C5: variants seen among roughly 807,000 people sequenced by gnomAD.
C5 encodes C3 and PZP-like alpha-2-macroglobulin domain-containing protein 4.
A neutral mutation model predicts 218.8 loss-of-function variants in C5; 140 were observed. The ratio of observed to expected loss-of-function variants is 0.64; its 90% CI spans 0.56 to 0.74. The LOEUF is 0.74. Among genes scored for constraint, C5 ranks in the 30% least tolerant of loss-of-function variants. C5 has a pLI of 0.00. For missense variants in C5, 1,700 were observed against 1,969.6 expected (o/e 0.86, Z 2.59); for synonymous variants, 614 against 682.3 (o/e 0.90, Z 1.56).
In C5 at chr9:121,008,439, A is replaced by G; in HGVS notation, c.2317T>C (p.Trp773Arg). 1 of 1,613,736 alleles carries G rather than the reference A, an allele frequency of 6.2e-7. No homozygotes were observed. Among genetic ancestry groups the G allele is most frequent in the African/African-American group, 1.3e-5 (1 of 75,002 alleles). Residue 773 changes from tryptophan (W) to arginine (R), a missense_variant, in exon 18 of 41, where the codon TGG becomes CGG. Transcript: ENST00000223642. ...GGAACAAGATGAACTTCCCACAACC[A>G]GCTTTCTGGAAAATAACTCCGAATT... ...PEIRSYFPES[W>R]LWEVHLVPRR...
chr9:121,059,293 A>T, the C5 span, among the ~76,000 whole-genome samples: 4 of 152,200 alleles, frequency 2.6e-5, no homozygotes, highest in Non-Finnish European at 5.9e-5. The surrounding 1 kb of genome is among the most constrained non-coding windows in gnomAD (Gnocchi z 4.1). Flanking sequence ...TAATAATGGA[A>T]TTTAGTTAAG....
upstream of C5, among the ~76,000 whole-genome samples, chr9:121,051,194 C>T (rs187768581): frequency 3.0e-4 from 45 of 150,604 alleles, 1 homozygote; most frequent in Non-Finnish European, 5.3e-4. Context: ...ACTATCTTGG[C>T]TCAGGGCAAC....
At chr9:121,074,456 T>C in the C5 span, among the ~76,000 whole-genome samples, 1 of 152,220 alleles carries the variant, frequency 6.6e-6, no homozygotes, top group Non-Finnish European at 1.5e-5. Flanking sequence ...TGCGTCCGCT[T>C]TGAGGTTCAT....
chr9:121,073,070 T>G, the C5 span, among the ~76,000 whole-genome samples: 1 of 152,122 alleles, frequency 6.6e-6, no homozygotes, highest in Non-Finnish European at 1.5e-5. Context: ...CTGTTGGACG[T>G]CCCCTGAATT....
chr9:121,065,727 A>T, the C5 span, among the ~76,000 whole-genome samples: 1 of 152,136 alleles, frequency 6.6e-6, no homozygotes, highest in Non-Finnish European at 1.5e-5. Flanking sequence ...AGCTCAAGGG[A>T]TCCACCCACC....
In C5 at chr9:120,981,850, G is replaced by C. The variant is rs756416803; in HGVS notation, c.3480C>G (p.Pro1160=). The change falls in exon 27 of 41, where the codon CCC becomes CCG. Residue 1160 remains proline (P), a synonymous_variant. Coordinates refer to ENST00000223642, the MANE Select transcript of C5 (RefSeq NM_001735.3). ...AAAGAAAACTCTTACTTACCACCAG[G>C]GGGCATATATCGAAAGCCTTTCTAA... ...IGIRKAFDIC[P]LVKIDTALIK... 7 of 1,609,056 alleles carry C rather than the reference G, an allele frequency of 4.4e-6. No individual in the cohort carries two copies. In the Admixed American group the frequency reaches 1.0e-4, roughly 23 times the overall value.
chr9:120,996,073 C>T (rs41309904), intron 22 of C5, among the ~76,000 whole-genome samples, 167 bp downstream of exon 22: 6 of 152,264 alleles, frequency 3.9e-5, no homozygotes, highest in Middle Eastern at 3.4e-3. Flanking sequence ...CCCACCTCGG[C>T]CTCCCAAAGT....
At chr9:120,957,454 G>T in intron 38 of C5, 86 bp from the exon 39 acceptor site, 2 of 983,028 alleles carry the variant, frequency 2.0e-6, no homozygotes, top group South Asian at 1.3e-5. Context: ...TGTCAAACAC[G>T]AGAAATGAAG....
intron 39 of C5, chr9:120,956,956 C>T (rs1454025872): frequency 2.9e-6 from 1 of 344,622 alleles, no homozygotes; most frequent in Admixed American, 4.0e-5. Flanking sequence ...GATCTATATA[C>T]CAAACCCCCA....
intron 22 of C5, among the ~76,000 whole-genome samples, chr9:120,992,324 T>C (rs192947768): frequency 3.3e-3 from 499 of 152,362 alleles, no homozygotes; most frequent in African/African-American, 0.011. Context: ...GTTTGCACTT[T>C]GAGTGAAAGA....
rs1564131074 is a variant in C5 at position 120,960,326 on chromosome 9, G to C, written c.4600C>G (p.Gln1534Glu). The change falls in exon 38 of 41, where the codon CAA becomes GAA. Residue 1534 changes from glutamine to glutamate, a missense_variant. By Grantham distance (29) the Gln-to-Glu change is conservative. Coordinates refer to ENST00000223642, the MANE Select transcript of C5 (RefSeq NM_001735.3). Reference sequence around the variant, plus strand: ...GTCAGATCCAATTCTTCCTGCATTTGCCCACAATCAGCTGGATTTTGTGAA... The same window carrying C: ...GTCAGATCCAATTCTTCCTGCATTTCCCCACAATCAGCTGGATTTTGTGAA... ...ACKCVEADCG[Q>E]MQEELDLTIS... The C allele has an allele frequency of 1.9e-6, 3 of 1,611,630 alleles. No individual in the cohort carries two copies. The highest frequency in any genetic ancestry group is 2.7e-5 in the African/African-American group (2 of 74,824).
At chr9:121,071,966 G>A in the C5 span, among the ~76,000 whole-genome samples, 1 of 152,172 alleles carries the variant, frequency 6.6e-6, no homozygotes, top group South Asian at 2.1e-4. Context: ...AAGAAAAATA[G>A]TGTGGAACGC....
At chr9:121,011,251 T>C (rs544848841) in intron 17 of C5, among the ~76,000 whole-genome samples, 12 of 152,090 alleles carry the variant, frequency 7.9e-5, no homozygotes, top group South Asian at 2.1e-4. Context: ...ATAACAAGAA[T>C]ATATAAGGAG....
intron 27 of C5, 70 bp downstream of exon 27, chr9:120,981,774 A>G: frequency 5.0e-6 from 5 of 1,000,724 alleles, no homozygotes; most frequent in Non-Finnish European, 6.4e-6. Flanking sequence ...AGGTCTTCTG[A>G]TTGGTGGCCC....
At position 120,970,909 on chromosome 9, in the gene C5, C is replaced by T. The variant is rs564288962; in HGVS notation, c.4081-658G>A. Among the ~76,000 whole-genome samples, 12 of 152,272 alleles carry T rather than the reference C, an allele frequency of 7.9e-5. No individual in the cohort carries two copies. The East Asian group carries it at 1.2e-3, about 15-fold the overall frequency. ...CCTGCCAGCTGGGCGTGGTGGCTCG[C>T]GCCCATAATCCCAGCACATTGGGAG... On this transcript the variant is annotated intron_variant, in intron 31 of 40. Coordinates refer to ENST00000223642, the MANE Select transcript of C5 (RefSeq NM_001735.3).
Position 121,021,080 on chromosome 9 carries a change from C to T in C5, c.1302+429G>A, listed in dbSNP as rs539645971. Among the ~76,000 whole-genome samples the T allele has an allele frequency of 2.2e-4, 33 of 152,130 alleles. No individual in the cohort carries two copies. The South Asian group carries it at 4.8e-3, about 22-fold the overall frequency. On this transcript the variant is annotated intron_variant, in intron 11 of 40. Transcript: ENST00000223642. ...TTGGGAACTTAAATAATATTTGCTG[C>T]GAGAGAAGACTATTAAGTGGGCTCT...
intron 5 of C5, among the ~76,000 whole-genome samples, chr9:121,033,069 T>C (rs933286882): frequency 1.3e-5 from 2 of 149,064 alleles, no homozygotes; most frequent in Non-Finnish European, 3.0e-5. Flanking sequence ...TATACACACA[T>C]ATATATACAC....
At chr9:121,036,043 C>T (rs10760140) in intron 4 of C5, among the ~76,000 whole-genome samples, 54,588 of 151,730 alleles carry the variant, frequency 0.36, 12,178 homozygotes, top group South Asian at 0.62. Flanking sequence ...GAGCAAGACC[C>T]TGTCAAAAAC....
In C5 at chr9:120,989,877, C is replaced by T. The variant is rs55667400; in HGVS notation, c.2942-97G>A. ...GAACAACCATCTAGAGATGGTTCTT[C>T]CCTTTTTATCTAGGCAGTTGACTTG... On this transcript the variant is annotated intron_variant, in intron 23 of 40. Transcript: ENST00000223642. 1.6e-5 allele frequency: 15 copies of T among 943,366 alleles called. No homozygotes were observed. In the East Asian group the frequency reaches 3.8e-4, roughly 24 times the overall value. The allele number at this position is 943,366 out of a possible 1,614,324, so 58.4% of individuals were successfully genotyped here.
Sources: allele counts gnomAD v4.1 joint callset (sites outside exome capture counted in the v4.1 genomes callset), GRCh38; gene constraint gnomAD v4.1.1; non-coding constraint Gnocchi (gnomAD v3.1); transcripts MANE v1.5; gene names NCBI Gene and HGNC (gene_info 2026-07-23, HGNC 2026-07-21).